The following SORD variants were observed in gnomAD, a reference collection of about 807,000 sequenced individuals.
SORD encodes sorbitol dehydrogenase.
In SORD, 18 loss-of-function variants were observed where a neutral mutation model predicts 35.6. The observed-to-expected ratio is 0.51, with a 90% CI of 0.35 to 0.75. The LOEUF is 0.75. Among genes scored for constraint, SORD ranks in the 30% least tolerant of loss-of-function variants. The pLI is 0.01. For synonymous variants in SORD, 106 were observed against 152.9 expected (o/e 0.69, Z 2.26); for missense variants, 250 against 390.2 (o/e 0.64, Z 3.03).
intron 1 of SORD, among the ~76,000 whole-genome samples, chr15:45,030,485 A>G (rs1892761163): frequency 6.6e-6 from 1 of 152,356 alleles, no homozygotes; most frequent in Middle Eastern, 3.4e-3. Flanking sequence ...ACCAGGGAAA[A>G]TACATTCAAA....
At chr15:45,054,252 G>A (rs1405806912) in intron 3 of SORD, among the ~76,000 whole-genome samples, 1 of 152,160 alleles carries the variant, frequency 6.6e-6, no homozygotes, top group Non-Finnish European at 1.5e-5. Flanking sequence ...CTAGTTTACA[G>A]TCCCACCAAC....
At chr15:45,027,124 C>G (rs77675005) in intron 1 of SORD, among the ~76,000 whole-genome samples, 4 of 152,072 alleles carry the variant, frequency 2.6e-5, no homozygotes, top group Non-Finnish European at 5.9e-5. Flanking sequence ...GAGAACAAAA[C>G]GAAACAACAA....
intron 4 of SORD, among the ~76,000 whole-genome samples, chr15:45,064,747 G>A (rs1893378066): frequency 6.6e-6 from 1 of 152,216 alleles, no homozygotes; most frequent in Non-Finnish European, 1.5e-5. Flanking sequence ...AACTAAAAAG[G>A]CTGTAAGTTT....
At chr15:45,048,771 G>A (rs1893083948) in intron 3 of SORD, among the ~76,000 whole-genome samples, 2 of 152,162 alleles carry the variant, frequency 1.3e-5, no homozygotes, top group Non-Finnish European at 2.9e-5. Context: ...AAAGCTCTCA[G>A]CAGCAGCGGG....
At chr15:45,069,396 G>C (rs1229267070) in intron 7 of SORD, among the ~76,000 whole-genome samples, 1 of 151,598 alleles carries the variant, frequency 6.6e-6, no homozygotes, top group African/African-American at 2.4e-5. Flanking sequence ...TTTTTTAGAA[G>C]AGATGGGGTT....
At chr15:45,060,527 A>G (rs1893285103) in intron 3 of SORD, among the ~76,000 whole-genome samples, 1 of 152,194 alleles carries the variant, frequency 6.6e-6, no homozygotes, top group Non-Finnish European at 1.5e-5. Flanking sequence ...ACTACCAGGA[A>G]TCAGTTGACT....
chr15:45,061,032 C>T lies in SORD; in HGVS notation c.266-35C>T, dbSNP rs2854446. ...AGAGCGGGCAGACTCTGCTCCCACC[C>T]TCGGACATGGTGCCATCTTTGTTTT... On this transcript the variant is annotated intron_variant, in intron 3 of 8. Coordinates refer to ENST00000267814, the MANE Select transcript of SORD (RefSeq NM_003104.6). 1,410,812 of 1,604,430 alleles carry T rather than the reference C, an allele frequency of 0.88. 620,167 individuals are homozygous for T. Among genetic ancestry groups the T allele is most frequent in the Middle Eastern group, 0.93 (5,618 of 6,046 alleles).
intron 1 of SORD, chr15:45,036,267 A>G (rs1394648690): frequency 6.7e-6 from 3 of 449,338 alleles, no homozygotes; most frequent in African/African-American, 6.0e-5. Flanking sequence ...TCCGGACACA[A>G]AGAGAGGAGT....
chr15:45,039,235 TCTC>T (rs1000463548), intron 1 of SORD, among the ~76,000 whole-genome samples: 1 of 151,978 alleles, frequency 6.6e-6, no homozygotes, highest in Non-Finnish European at 1.5e-5. Context: ...TTCAAGCAAT[TCTC>T]CTGCCTCAGC....
At chr15:45,049,945 A>T (rs1315554275) in intron 3 of SORD, among the ~76,000 whole-genome samples, 9 of 152,228 alleles carry the variant, frequency 5.9e-5, no homozygotes, top group African/African-American at 1.9e-4. Context: ...TCACAGTAAG[A>T]CTGAGTTGTT....
intron 1 of SORD, among the ~76,000 whole-genome samples, chr15:45,029,686 G>A (rs914051500): frequency 4.6e-5 from 7 of 152,274 alleles, no homozygotes; most frequent in Non-Finnish European, 8.8e-5. Flanking sequence ...CCTGTACTTG[G>A]TGGGCCCTGA....
chr15:45,038,119 G>C (rs933517815), intron 1 of SORD, among the ~76,000 whole-genome samples: 2 of 147,418 alleles, frequency 1.4e-5, no homozygotes, highest in Admixed American at 1.4e-4. Flanking sequence ...TCCTTCCCTC[G>C]CATCCTCCCT....
Position 45,053,095 on chromosome 15 carries a change from A to G in SORD, c.266-7972A>G, listed in dbSNP as rs548381191. On this transcript the variant is annotated intron_variant, in intron 3 of 8. Coordinates refer to ENST00000267814, the MANE Select transcript of SORD (RefSeq NM_003104.6). ...GATCCCTAGTGCTTCACAAGCAGAG[A>G]GCAAAGTCTTCTATTTGAAAATGAA... 7.9e-5 allele frequency among the ~76,000 whole-genome samples: 12 copies of G among 152,328 alleles called. No homozygotes were observed. In the South Asian group the frequency reaches 2.5e-3, roughly 32 times the overall value.
At chr15:45,023,562 C>T (rs892148844) in intron 1 of SORD, among the ~76,000 whole-genome samples, 2 of 152,240 alleles carry the variant, frequency 1.3e-5, no homozygotes, top group African/African-American at 2.4e-5. Flanking sequence ...CCTCCCGGAA[C>T]CTAGCCCCGT....
At chr15:45,065,900 A>G (rs1401815784) in intron 5 of SORD, among the ~76,000 whole-genome samples, 2 of 151,998 alleles carry the variant, frequency 1.3e-5, no homozygotes, top group Non-Finnish European at 2.9e-5. Context: ...AGTCTGGGTG[A>G]CAGAACAAGA....
intron 3 of SORD, among the ~76,000 whole-genome samples, chr15:45,057,981 G>A (rs180677226): frequency 7.2e-5 from 11 of 152,248 alleles, no homozygotes; most frequent in African/African-American, 2.6e-4. Context: ...CTGTTTCTAG[G>A]AAATCACAAA....
At chr15:45,024,488 C>A (rs1892639625) in intron 1 of SORD, among the ~76,000 whole-genome samples, 1 of 152,100 alleles carries the variant, frequency 6.6e-6, no homozygotes, top group African/African-American at 2.4e-5. Flanking sequence ...AAGTACCATA[C>A]CCAAGGTGAT....
chr15:45,036,243 A>G (rs1460389645), intron 1 of SORD: 1 of 443,104 alleles, frequency 2.3e-6, no homozygotes, highest in Non-Finnish European at 4.5e-6. Context: ...CAGTGAGACC[A>G]AGAACCCACC....
Position 45,035,465 on chromosome 15 carries a change from G to C in SORD, c.67-4943G>C, listed in dbSNP as rs112917687. 5.9e-5 allele frequency among the ~76,000 whole-genome samples: 9 copies of C among 152,072 alleles called. No individual in the cohort carries two copies. The East Asian group carries it at 1.5e-3, about 26-fold the overall frequency. On this transcript the variant is annotated intron_variant, in intron 1 of 8. Coordinates refer to ENST00000267814, the MANE Select transcript of SORD (RefSeq NM_003104.6). The stretch of plus-strand genomic sequence containing the variant: ...TCCACACTCTGTATCTAGCTAATCT[G>C]GGGGGGAGGTGGAAAACCTTTGTGT...
Sources: allele counts gnomAD v4.1 joint callset (sites outside exome capture counted in the v4.1 genomes callset), GRCh38; gene constraint gnomAD v4.1.1; transcripts MANE v1.5; gene names NCBI Gene and HGNC (gene_info 2026-07-23, HGNC 2026-07-21).